OR2T35: variants seen among roughly 807,000 people sequenced by gnomAD.
OR2T35 encodes the protein olfactory receptor family 2 subfamily T member 35 (gene/pseudogene), also known as olfactory receptor 2T35.
For synonymous variants in OR2T35, 18 were observed against 110.2 expected (o/e 0.16, Z 5.24); for missense variants, 47 against 278.8 (o/e 0.17, Z 5.92).
rs1660727395 is a variant in OR2T35, at chr1:248,638,204, T to TCC, written c.*82_*83insGG. 1 of 793,776 alleles carries TCC rather than the reference T, an allele frequency of 1.3e-6. No homozygotes were observed. The highest frequency in any genetic ancestry group is 2.3e-5 in the African/African-American group (1 of 44,164). The allele number at this position is 793,776 out of a possible 1,614,324, so 49.2% of individuals were successfully genotyped here. ...ACTAGTCCCTGCTAGTCCTTCCTGA[T>TCC]CAGTCACCACCCCTGATGCTCTGGG... is the stretch of plus-strand genomic sequence containing the variant. On this transcript the variant is annotated 3_prime_UTR_variant, in exon 2 of 2. Coordinates refer to ENST00000641268, the MANE Select transcript of OR2T35 (RefSeq NM_001001827.2).
chr1:248,639,426 A>T, intron 1 of OR2T35, 146 bp from the exon 2 acceptor site: 2 of 694,772 alleles, frequency 2.9e-6, no homozygotes, highest in East Asian at 2.6e-5. Context: ...AGTATTAATG[A>T]TCTGTATGAT....
intron 1 of OR2T35, among the ~76,000 whole-genome samples, 197 bp downstream of exon 1, chr1:248,645,050 C>G (rs1407840924): frequency 8.2e-6 from 1 of 122,694 alleles, no homozygotes; most frequent in Admixed American, 8.6e-5. Flanking sequence ...ACTTTCCCTC[C>G]CATCCCAACT....
chr1:248,645,098 AAGAT>A (rs1660843810), intron 1 of OR2T35, 145 bp downstream of exon 1: 1 of 109,636 alleles, frequency 9.1e-6, no homozygotes, highest in South Asian at 3.3e-4. Context: ...AGTTAGGCAT[AAGAT>A]AGAAGAGGTT....
chr1:248,644,937 C>T (rs1660839135), intron 1 of OR2T35, among the ~76,000 whole-genome samples: 1 of 114,056 alleles, frequency 8.8e-6, no homozygotes. Context: ...TTTCTCTTTT[C>T]CCTTACCTTA....
intron 1 of OR2T35, among the ~76,000 whole-genome samples, chr1:248,642,249 A>G (rs1027855086): frequency 2.7e-5 from 3 of 112,602 alleles, no homozygotes; most frequent in African/African-American, 7.7e-5. Context: ...AAAGAAAAAG[A>G]AAAAGCTTTT....
intron 1 of OR2T35, among the ~76,000 whole-genome samples, chr1:248,642,216 CAAAAAAAAAAAAAAA>C (rs61189391): frequency 1.9e-5 from 1 of 53,660 alleles, no homozygotes; most frequent in African/African-American, 4.0e-5. Context: ...CTAGTCTTTC[CAAAAAAAAAAAAAAA>C]AAAAGAAAAA....
intron 1 of OR2T35, among the ~76,000 whole-genome samples, chr1:248,644,465 A>C (rs916488): frequency 9.7e-6 from 1 of 102,694 alleles, no homozygotes; most frequent in South Asian, 3.1e-4. Flanking sequence ...GAGACAATGT[A>C]AATAATGTCA....
At position 248,638,219 on chromosome 1, in the gene OR2T35, G is replaced by A. The variant is rs1660728350; in HGVS notation, c.*68C>T. On this transcript the variant is annotated 3_prime_UTR_variant, in exon 2 of 2. Transcript: ENST00000641268. ...TCCTTCCTGATCAGTCACCACCCCT[G>A]ATGCTCTGGGAGTCCCCGCTAATCC... 2.1e-6 allele frequency: 2 copies of A among 945,212 alleles called. No individual in the cohort carries two copies. Among genetic ancestry groups the A allele is most frequent in the Non-Finnish European group, 3.4e-6 (2 of 596,670 alleles). The allele number at this position is 945,212 out of a possible 1,614,324, so 58.6% of individuals were successfully genotyped here.
intron 1 of OR2T35, among the ~76,000 whole-genome samples, chr1:248,641,374 AATC>A (rs1459714969): frequency 6.4e-5 from 1 of 15,606 alleles, no homozygotes; most frequent in African/African-American, 9.1e-5. Flanking sequence ...GTTAGCTGAC[AATC>A]ATCCTTTTAA....
At position 248,643,108 on chromosome 1, in the gene OR2T35, T is replaced by TA. The variant is rs1423488659; in HGVS notation, c.-23+2138dup. On this transcript the variant is annotated intron_variant, in intron 1 of 1. Coordinates refer to ENST00000641268, the MANE Select transcript of OR2T35 (RefSeq NM_001001827.2). ...AAATGAAAATATATTGGGGACTTTT[T>TA]AAAGGTGTTTAGCCACAAATAACAG... Among the ~76,000 whole-genome samples the TA allele has an allele frequency of 3.2e-5, 4 of 123,378 alleles. 1 individual carries two copies. Among genetic ancestry groups the TA allele is most frequent in the Non-Finnish European group, 7.1e-5 (4 of 56,638 alleles). The allele number at this position is 123,378 out of a possible 152,430, so 80.9% of individuals were successfully genotyped here.
At position 248,642,216 on chromosome 1, in the gene OR2T35, CAAAAAA is replaced by C. The variant is rs61189391; in HGVS notation, c.-22-2942_-22-2937del. On this transcript the variant is annotated intron_variant, in intron 1 of 1. Coordinates refer to ENST00000641268, the MANE Select transcript of OR2T35 (RefSeq NM_001001827.2). ...GTTCCCCTTCATCAACTAGTCTTTC[CAAAAAA>C]AAAAAAAAAAAAAGAAAAAGAAAAA... Among the ~76,000 whole-genome samples the C allele has an allele frequency of 7.9e-3, 422 of 53,650 alleles. 18 individuals are homozygous for C. The highest frequency in any genetic ancestry group is 0.016 in the African/African-American group (406 of 24,840). The allele number at this position is 53,650 out of a possible 152,430, so 35.2% of individuals were successfully genotyped here.
At chr1:248,642,216 C>CAAAAAAAAAAAAAAAAAAAAAAAAA (rs61189391) in intron 1 of OR2T35, among the ~76,000 whole-genome samples, 6 of 53,658 alleles carry the variant, frequency 1.1e-4, no homozygotes, top group Non-Finnish European at 3.0e-4. Context: ...CTAGTCTTTC[C>CAAAAAAAAAAAAAAAAAAAAAAAAA]AAAAAAAAAA....
chr1:248,639,466 A>G (rs1660763398), intron 1 of OR2T35, among the ~76,000 whole-genome samples, 186 bp from the exon 2 acceptor site: 2 of 151,774 alleles, frequency 1.3e-5, no homozygotes, highest in Admixed American at 6.6e-5. Flanking sequence ...TCTCAACTCA[A>G]TTTCATCATC....
chr1:248,644,786 A>ACT (rs1442768821), intron 1 of OR2T35, among the ~76,000 whole-genome samples: 1 of 138,736 alleles, frequency 7.2e-6, no homozygotes, highest in Non-Finnish European at 1.6e-5. Flanking sequence ...TTGGCCAGGA[A>ACT]CTCCTTTTCT....
intron 1 of OR2T35, among the ~76,000 whole-genome samples, chr1:248,644,611 G>A (rs1258864837): frequency 5.5e-5 from 8 of 144,786 alleles, no homozygotes; most frequent in African/African-American, 2.1e-4. Flanking sequence ...AAGGCAGAGA[G>A]ACCAGAACTC....
intron 1 of OR2T35, among the ~76,000 whole-genome samples, chr1:248,639,568 C>T (rs1660764782): frequency 7.6e-6 from 1 of 130,772 alleles, no homozygotes; most frequent in African/African-American, 2.7e-5. Flanking sequence ...CTGATTTTTA[C>T]TTTGAACTAT....
At position 248,638,460 on chromosome 1, in the gene OR2T35, T is replaced by G. The variant is rs1193970661; in HGVS notation, c.799A>C (p.Thr267Pro). Residue 267 changes from threonine (T) to proline (P), a missense_variant, in exon 2 of 2, where the codon ACT (threonine) becomes CCT (proline). Transcript: ENST00000641268. The part of the protein sequence containing the change: ...YTNVLPHSYH[T>P]PEKDKVVSAF... Reference sequence around the variant, plus strand: ...GACACCACTTTATCTTTCTCTGGAGTGTGGTAGGAGTGGGGCAGCACGTTG... The same window carrying G: ...GACACCACTTTATCTTTCTCTGGAGGGTGGTAGGAGTGGGGCAGCACGTTG... 1.6e-6 allele frequency: 2 copies of G among 1,263,464 alleles called. No individual in the cohort carries two copies. The highest frequency in any genetic ancestry group is 1.2e-5 in the South Asian group (1 of 84,108). The allele number at this position is 1,263,464 out of a possible 1,614,324, so 78.3% of individuals were successfully genotyped here.
Position 248,638,057 on chromosome 1 carries a change from G to A in OR2T35, c.*230C>T, listed in dbSNP as rs1660724816. ...TCGCTACTGTTCCTAAGTAATCCTTGCAACAGGATGATTTTGCCTGTTAAT... is the reference window on the plus strand; with the variant it reads ...TCGCTACTGTTCCTAAGTAATCCTTACAACAGGATGATTTTGCCTGTTAAT... On this transcript the variant is annotated 3_prime_UTR_variant, in exon 2 of 2. Coordinates refer to ENST00000641268, the MANE Select transcript of OR2T35 (RefSeq NM_001001827.2). 2 of 261,780 alleles carry A rather than the reference G, an allele frequency of 7.6e-6. No individual in the cohort carries two copies. Among genetic ancestry groups the A allele is most frequent in the South Asian group, 5.9e-5 (2 of 34,050 alleles). 16.2% of individuals were successfully genotyped at this position (261,780 alleles called of 1,614,324 possible). A position where few individuals can be genotyped will look rare whatever the true frequency, so the allele number is the denominator to read the frequency against.
Position 248,642,216 on chromosome 1 carries a change from C to CAAAAAA in OR2T35, c.-22-2942_-22-2937dup, listed in dbSNP as rs61189391. Among the ~76,000 whole-genome samples, 177 of 53,510 alleles carry CAAAAAA rather than the reference C, an allele frequency of 3.3e-3. 4 individuals are homozygous for CAAAAAA. Among genetic ancestry groups the CAAAAAA allele is most frequent in the Non-Finnish European group, 4.8e-3 (81 of 16,836 alleles). The allele number at this position is 53,510 out of a possible 152,430, so 35.1% of individuals were successfully genotyped here. On this transcript the variant is annotated intron_variant, in intron 1 of 1. Coordinates refer to ENST00000641268, the MANE Select transcript of OR2T35 (RefSeq NM_001001827.2). ...GTTCCCCTTCATCAACTAGTCTTTCCAAAAAAAAAAAAAAAAAAAGAAAAA... is the reference window on the plus strand; with the variant it reads ...GTTCCCCTTCATCAACTAGTCTTTCCAAAAAAAAAAAAAAAAAAAAAAAAAGAAAAA...
Sources: gnomAD v4.1 joint callset for allele counts (sites outside exome capture counted in the v4.1 genomes callset) on GRCh38, gnomAD v4.1.1 for gene constraint, MANE v1.5 for transcripts, NCBI Gene and HGNC (gene_info 2026-07-23, HGNC 2026-07-21) for gene names.